The following PRPF6 variants were observed in gnomAD, a reference collection of about 807,000 sequenced individuals.
The protein encoded by PRPF6 is pre-mRNA-processing factor 6.
PRPF6 carries 42 observed loss-of-function variants against 118.3 expected under a neutral mutation model. The observed-to-expected ratio is 0.35, with a 90% CI of 0.28 to 0.46. The LOEUF (loss-of-function observed/expected upper bound fraction) is 0.46, where lower values mean the gene tolerates loss of function less well. Among genes scored for constraint, PRPF6 ranks in the 20% least tolerant of loss-of-function variants. PRPF6 has a pLI of 1.00. For synonymous variants in PRPF6, 481 were observed against 485.1 expected (o/e 0.99, Z 0.11); for missense variants, 662 against 1,255.7 (o/e 0.53, Z 7.15).
Position 64,027,504 on chromosome 20 carries a change from A to T in PRPF6, c.2206-99A>T. 1 of 1,543,070 alleles carries T rather than the reference A, an allele frequency of 6.5e-7. No homozygotes were observed. Among genetic ancestry groups the T allele is most frequent in the Non-Finnish European group, 9.0e-7 (1 of 1,116,538 alleles). ...TTTTTCCATGGACATGGCAGCCCTGAGGGACTCGGTCACCCACTGCAGATG... is the reference window on the plus strand; with the variant it reads ...TTTTTCCATGGACATGGCAGCCCTGTGGGACTCGGTCACCCACTGCAGATG... On this transcript the variant is annotated intron_variant, in intron 16 of 20. Transcript: ENST00000266079. This position sits in a 1 kb window ranked among gnomAD's most constrained non-coding sequence, Gnocchi z 6.5.
chr20:64,009,492 G>A (rs1601522898), intron 9 of PRPF6, among the ~76,000 whole-genome samples: 1 of 152,256 alleles, frequency 6.6e-6, no homozygotes, highest in East Asian at 1.9e-4. Context: ...GGAAGCCGAA[G>A]CGGGCGGATC....
intron 5 of PRPF6, 51 bp from the exon 6 acceptor site, chr20:63,995,276 A>T (rs746831306): frequency 2.8e-5 from 45 of 1,580,460 alleles, no homozygotes; most frequent in Middle Eastern, 1.7e-4. Flanking sequence ...TTTCTTGGGC[A>T]TGCAGTGCAA....
rs1463199179 is a variant in PRPF6 at position 63,993,440 on chromosome 20, T to C, written c.393T>C (p.Tyr131=). Residue 131 remains tyrosine (Y), a synonymous_variant, in exon 4 of 21, where the codon TAT becomes TAC. Transcript: ENST00000266079. The part of the protein sequence containing the change: ...EQREKEEIEK[Y]RMERPKIQQQ... ...GGGAGAAAGAAGAAATAGAGAAATATCGTATGGAACGCCCCAAAATCCAAC... is the reference window on the plus strand; with the variant it reads ...GGGAGAAAGAAGAAATAGAGAAATACCGTATGGAACGCCCCAAAATCCAAC... 22 of 1,613,004 alleles carry C rather than the reference T, an allele frequency of 1.4e-5. No individual in the cohort carries two copies. The highest frequency in any genetic ancestry group is 6.7e-5 in the African/African-American group (5 of 74,822).
Position 64,016,752 on chromosome 20 carries a change from T to C in PRPF6, c.1554T>C (p.Ser518=), listed in dbSNP as rs139993520. The part of the protein sequence containing the change: ...QDAEECDRAG[S]VATCQAVMRA... ...CCGAGGAATGTGACAGGGCTGGGAG[T>C]GTGGCCACCTGCCAGGCCGTCATGC... The change falls in exon 12 of 21, where the codon AGT becomes AGC. Residue 518 remains serine (S), a synonymous_variant. Transcript: ENST00000266079. 6.2e-7 allele frequency: 1 copy of C among 1,613,742 alleles called. No homozygotes were observed.
intron 4 of PRPF6, among the ~76,000 whole-genome samples, chr20:63,994,235 G>A (rs1005693056): frequency 1.4e-4 from 20 of 147,036 alleles, no homozygotes; most frequent in African/African-American, 4.3e-4. Flanking sequence ...TCAGCTCACC[G>A]CAACCTCCGC....
At position 64,027,060 on chromosome 20, in the gene PRPF6, C is replaced by T. The variant is rs754149863; in HGVS notation, c.2107C>T (p.Arg703Trp). Reference sequence around the variant, plus strand: ...CCAAGATCTGTGCGAGGAGGCCCTGCGGCACTATGAGGACTTCCCCAAGCT... The same window carrying T: ...CCAAGATCTGTGCGAGGAGGCCCTGTGGCACTATGAGGACTTCCCCAAGCT... ...AAQDLCEEAL[R>W]HYEDFPKLWM... The change falls in exon 16 of 21, where the codon CGG (arginine) becomes TGG (tryptophan). Residue 703 changes from arginine to tryptophan, a missense_variant. This residue lies in a region of PRPF6 where 244 missense variants were observed against 383.7 expected (regional missense o/e 0.64). Transcript: ENST00000266079. This position sits in a 1 kb window ranked among gnomAD's most constrained non-coding sequence, Gnocchi z 6.5. The T allele has an allele frequency of 8.7e-6, 14 of 1,613,928 alleles. No homozygotes were observed. Among genetic ancestry groups the T allele is most frequent in the Admixed American group, 3.3e-5 (2 of 60,002 alleles).
chr20:64,007,687 G>A (rs765386752), intron 9 of PRPF6, among the ~76,000 whole-genome samples: 1 of 151,274 alleles, frequency 6.6e-6, no homozygotes, highest in Non-Finnish European at 1.5e-5. Flanking sequence ...GGCTAGTCTC[G>A]AATTCCTGGG....
intron 7 of PRPF6, 101 bp downstream of exon 7, chr20:63,999,240 G>A (rs966628949): frequency 1.2e-5 from 12 of 988,054 alleles, no homozygotes; most frequent in East Asian, 2.5e-5. Flanking sequence ...GGGACATGGC[G>A]GTTCTAAGAA....
At chr20:63,987,227 C>T (rs995429141) in intron 3 of PRPF6, among the ~76,000 whole-genome samples, 2 of 147,560 alleles carry the variant, frequency 1.4e-5, no homozygotes, top group African/African-American at 5.0e-5. Flanking sequence ...CTATATACAG[C>T]TGGATGGGGT....
At chr20:64,022,650 C>T in intron 12 of PRPF6, 107 bp from the exon 13 acceptor site, 1 of 1,525,284 alleles carries the variant, frequency 6.6e-7, no homozygotes, top group African/African-American at 1.4e-5. Context: ...GGTACACCTT[C>T]TAGCAGATAT....
At position 64,028,027 on chromosome 20, in the gene PRPF6, G is replaced by A. The variant is rs61626774; in HGVS notation, c.2339+291G>A. On this transcript the variant is annotated intron_variant, in intron 17 of 20. Transcript: ENST00000266079. This position sits in a 1 kb window ranked among gnomAD's most constrained non-coding sequence, Gnocchi z 6.5. ...CTGGGACGAGGGAAGGATGGACCCC[G>A]GAGAGCCAGCTCCACAGAGGAGGTG... Among the ~76,000 whole-genome samples the A allele has an allele frequency of 0.021, 3,177 of 152,292 alleles. 120 individuals are homozygous for A. The highest frequency in any genetic ancestry group is 0.068 in the African/African-American group (2,835 of 41,546).
intron 9 of PRPF6, among the ~76,000 whole-genome samples, chr20:64,004,618 T>G (rs1294304316): frequency 6.6e-6 from 1 of 152,106 alleles, no homozygotes; most frequent in Non-Finnish European, 1.5e-5. Flanking sequence ...TGGGTGCTGA[T>G]CTTGAGACCT....
intron 3 of PRPF6, among the ~76,000 whole-genome samples, chr20:63,989,557 T>G (rs981280367): frequency 2.0e-5 from 3 of 148,956 alleles, no homozygotes; most frequent in African/African-American, 7.6e-5. Context: ...TTGGCTCATT[T>G]CCTCTTTCTG....
At position 64,021,560 on chromosome 20, in the gene PRPF6, GTC is replaced by G. The variant is rs1206010995; in HGVS notation, c.1648-1195_1648-1194del. On this transcript the variant is annotated intron_variant, in intron 12 of 20. Coordinates refer to ENST00000266079, the MANE Select transcript of PRPF6 (RefSeq NM_012469.4). ...CACAGCCCCGTGTCTGTGTGTGTGT[GTC>G]TGTGTGTGTGTGTGCACATATGCAT... 1.2e-4 allele frequency among the ~76,000 whole-genome samples: 18 copies of G among 147,576 alleles called. No individual in the cohort carries two copies. In the South Asian group the frequency reaches 1.4e-3, roughly 12 times the overall value.
At chr20:63,981,355 C>T in intron 1 of PRPF6, 39 bp downstream of exon 1, 1 of 1,542,512 alleles carries the variant, frequency 6.5e-7, no homozygotes, top group Non-Finnish European at 8.8e-7. Flanking sequence ...GGGGACCCGG[C>T]TACAGGAGCG....
rs759634938 is a variant in PRPF6 at position 64,028,584 on chromosome 20, CGACTCCGGTAAGGGGGTGCCCT to C, written c.2431+36_2431+57del. 168 of 1,610,530 alleles carry C rather than the reference CGACTCCGGTAAGGGGGTGCCCT, an allele frequency of 1.0e-4. No homozygotes were observed. The South Asian group carries it at 1.1e-3, about 11-fold the overall frequency. ...CCCCAACTCCGGTAAGGGGGTGCCC[CGACTCCGGTAAGGGGGTGCCCT>C]GACTCCGGTAAGGGGGTGCCTTGAC... is the stretch of plus-strand genomic sequence containing the variant. On this transcript the variant is annotated intron_variant, in intron 18 of 20. Transcript: ENST00000266079. This position sits in a 1 kb window ranked among gnomAD's most constrained non-coding sequence, Gnocchi z 6.5.
At chr20:63,993,260 G>GTATA (rs1555916919) in intron 3 of PRPF6, 147 bp from the exon 4 acceptor site, 16 of 389,732 alleles carry the variant, frequency 4.1e-5, no homozygotes, top group East Asian at 2.5e-4. Flanking sequence ...GTGTGTGTGT[G>GTATA]TGTATATGTA....
intron 8 of PRPF6, among the ~76,000 whole-genome samples, chr20:64,000,073 T>G (rs2059159764): frequency 6.6e-6 from 1 of 151,748 alleles, no homozygotes; most frequent in Admixed American, 6.6e-5. Flanking sequence ...TGTCTCAGCC[T>G]CCAGAGTAGC....
chr20:64,032,605 C>G (rs760960533), intron 20 of PRPF6, among the ~76,000 whole-genome samples: 6 of 152,230 alleles, frequency 3.9e-5, no homozygotes, highest in Non-Finnish European at 7.3e-5. Flanking sequence ...GAGCCTGGCT[C>G]AGTTCCTCAT....
Sources: allele counts gnomAD v4.1 joint callset (sites outside exome capture counted in the v4.1 genomes callset), GRCh38; gene constraint gnomAD v4.1.1; regional missense constraint gnomAD v4.1.1; non-coding constraint Gnocchi (gnomAD v3.1); transcripts MANE v1.5; gene names NCBI Gene and HGNC (gene_info 2026-07-23, HGNC 2026-07-21).